RAG1: variants seen among roughly 807,000 people sequenced by gnomAD.
The protein encoded by RAG1 is recombination activating 1.
In RAG1, 35 loss-of-function variants were observed where a neutral mutation model predicts 62.7. The observed-to-expected ratio is 0.56, with a 90% confidence interval of 0.43 to 0.74. RAG1 has a LOEUF of 0.74. RAG1 is among the 30% of genes least tolerant of loss of function. The pLI is 0.00. For synonymous variants in RAG1, 461 were observed against 470.3 expected (o/e 0.98, Z 0.26); for missense variants, 1,169 against 1,278.6 (o/e 0.91, Z 1.31).
At chr11:36,520,673 T>G (rs1860066185) in intron 2 of RAG1, among the ~76,000 whole-genome samples, 1 of 152,222 alleles carries the variant, frequency 6.6e-6, no homozygotes, top group Non-Finnish European at 1.5e-5. Context: ...GGTTACAAAC[T>G]TTATCTAAGA....
chr11:36,518,870 T>C (rs979326299), intron 1 of RAG1, among the ~76,000 whole-genome samples: 1 of 152,122 alleles, frequency 6.6e-6, no homozygotes, highest in African/African-American at 2.4e-5. Context: ...GTCAATTTTG[T>C]CTTTTGTTGC....
intron 3 of RAG1, among the ~76,000 whole-genome samples, chr11:36,545,974 A>T (rs1850386183): frequency 1.3e-5 from 2 of 152,106 alleles, no homozygotes; most frequent in South Asian, 4.1e-4. Context: ...TGTGATTTCC[A>T]TTCTTTTGCA....
intron 1 of RAG1, among the ~76,000 whole-genome samples, chr11:36,513,593 A>T (rs1407713031): frequency 6.6e-6 from 1 of 152,224 alleles, no homozygotes; most frequent in Non-Finnish European, 1.5e-5. Context: ...GTAACAGTAT[A>T]TTAGTCTGTT....
chr11:36,510,439 G>A (rs1277723499), upstream of RAG1: 1 of 152,386 alleles, frequency 6.6e-6, no homozygotes, highest in Non-Finnish European at 1.5e-5. Context: ...TCCCACCTGG[G>A]AATTCGTTGC....
chr11:36,525,991 T>C (rs925298178), intron 2 of RAG1, among the ~76,000 whole-genome samples: 7 of 152,238 alleles, frequency 4.6e-5, no homozygotes, highest in African/African-American at 1.7e-4. Flanking sequence ...GAATGGTCGA[T>C]TACATTAACT....
intron 1 of RAG1, among the ~76,000 whole-genome samples, chr11:36,570,296 A>T (rs1850721791): frequency 6.6e-6 from 1 of 152,222 alleles, no homozygotes; most frequent in Non-Finnish European, 1.5e-5. Flanking sequence ...GAGATATCTT[A>T]ATTTCTCCAT....
intron 2 of RAG1, among the ~76,000 whole-genome samples, chr11:36,528,289 C>A (rs1860197170): frequency 6.6e-6 from 1 of 152,144 alleles, no homozygotes; most frequent in South Asian, 2.1e-4. Context: ...TCATAACAAA[C>A]TATCTCTCAG....
At chr11:36,537,402 T>A (rs1309222446), downstream of RAG1, among the ~76,000 whole-genome samples, 1 of 152,198 alleles carries the variant, frequency 6.6e-6, no homozygotes, top group Admixed American at 6.5e-5. Context: ...TGGGTGTATA[T>A]ACATGTCAAA....
At chr11:36,571,067 A>G (rs1590699667) in intron 1 of RAG1, among the ~76,000 whole-genome samples, 1 of 152,272 alleles carries the variant, frequency 6.6e-6, no homozygotes, top group East Asian at 1.9e-4. Context: ...TGCCTTCCAC[A>G]GGAGTATTTA....
At chr11:36,563,285 G>T (rs568304263), upstream of RAG1, 1 of 152,330 alleles carries the variant, frequency 6.6e-6, no homozygotes, top group Admixed American at 6.5e-5. Context: ...ATGTGGATGG[G>T]CATCACCTAA....
intron 3 of RAG1, among the ~76,000 whole-genome samples, chr11:36,546,608 A>T (rs1006178925): frequency 1.3e-5 from 2 of 152,070 alleles, no homozygotes; most frequent in Non-Finnish European, 2.9e-5. Flanking sequence ...TGTGAATTTG[A>T]TCCTGTCATT....
At position 36,576,892 on chromosome 11, in the gene RAG1, T is replaced by G; in HGVS notation, c.*456T>G. 1 of 182,440 alleles carries G rather than the reference T, an allele frequency of 5.5e-6. No homozygotes were observed. Among genetic ancestry groups the G allele is most frequent in the Non-Finnish European group, 1.3e-5 (1 of 76,146 alleles). 11.3% of individuals were successfully genotyped at this position (182,440 alleles called of 1,614,324 possible). A position where few individuals can be genotyped will look rare whatever the true frequency, so the allele number is the denominator to read the frequency against. On this transcript the variant is annotated 3_prime_UTR_variant, in exon 2 of 2. Coordinates refer to ENST00000299440, the MANE Select transcript of RAG1 (RefSeq NM_000448.3). ...TTCTATTTCATTTTTGAATAATTCT[T>G]CATTTTTATAATTTTACATATCTTG...
chr11:36,521,553 T>G (rs2133695494), intron 2 of RAG1, among the ~76,000 whole-genome samples: 1 of 152,264 alleles, frequency 6.6e-6, no homozygotes, highest in South Asian at 2.1e-4. Context: ...TGGGTATACC[T>G]TTATCAGCAG....
chr11:36,528,854 A>G (rs1415167402), intron 2 of RAG1, among the ~76,000 whole-genome samples: 2 of 152,232 alleles, frequency 1.3e-5, no homozygotes, highest in Non-Finnish European at 2.9e-5. Flanking sequence ...CCATCAGAGA[A>G]TACTATAACC....
At chr11:36,518,154 A>G (rs568674239) in intron 1 of RAG1, among the ~76,000 whole-genome samples, 1 of 151,962 alleles carries the variant, frequency 6.6e-6, no homozygotes, top group South Asian at 2.1e-4. Context: ...CCATTTCCCT[A>G]CAAAGGACAT....
chr11:36,573,902 G>A lies in RAG1; in HGVS notation c.598G>A (p.Val200Met), dbSNP rs1232282131. 1.2e-5 allele frequency: 20 copies of A among 1,613,976 alleles called. No individual in the cohort carries two copies. The highest frequency in any genetic ancestry group is 1.1e-4 in the African/African-American group (8 of 74,878). Residue 200 changes from valine to methionine, a missense_variant, in exon 2 of 2, where the codon GTG (valine) becomes ATG (methionine). Transcript: ENST00000299440. ...ATGTGAGGTTTACTTCCCGAGGAAC[G>A]TGACCATGGAGTGGCACCCCCACAC... ...APCEVYFPRN[V>M]TMEWHPHTPS...
intron 1 of RAG1, among the ~76,000 whole-genome samples, chr11:36,511,497 G>C (rs1289302880): frequency 6.6e-6 from 1 of 152,062 alleles, no homozygotes; most frequent in Admixed American, 6.6e-5. Context: ...CTAGGACATA[G>C]TATGGGCTCA....
rs4151033 is a variant in RAG1 at position 36,575,942 on chromosome 11, G to A, written c.2638G>A (p.Glu880Lys). ...CELIPSEERH[E>K]ALRELMDLYL... ...GTTAATTCCTTCCGAGGAGAGGCACGAGGCTCTGAGGGAGCTGATGGATCT... is the reference window on the plus strand; with the variant it reads ...GTTAATTCCTTCCGAGGAGAGGCACAAGGCTCTGAGGGAGCTGATGGATCT... Residue 880 changes from glutamate to lysine, a missense_variant, in exon 2 of 2, where the codon GAG becomes AAG. Glu to Lys is a moderately conservative substitution (Grantham distance 56). Coordinates refer to ENST00000299440, the MANE Select transcript of RAG1 (RefSeq NM_000448.3). The surrounding 1 kb of genome is among the most constrained non-coding windows in gnomAD (Gnocchi z 4.1). The A allele has an allele frequency of 2.6e-3, 4,149 of 1,614,146 alleles. 84 individuals are homozygous for A. The African/African-American group carries it at 0.047, about 18-fold the overall frequency.
rs373615697 is a variant in RAG1 at position 36,573,455 on chromosome 11, G to A, written c.151G>A (p.Asp51Asn). Residue 51 changes from aspartate (D) to asparagine (N), a missense_variant, in exon 2 of 2, where the codon GAT (aspartate) becomes AAT (asparagine). By Grantham distance (23) the Asp-to-Asn change is conservative. Around this residue, in one of 2 missense-constraint regions of RAG1, gnomAD observed 369 missense variants for 335.3 expected, o/e 1.10. Coordinates refer to ENST00000299440, the MANE Select transcript of RAG1 (RefSeq NM_000448.3). ...TGAAGAAGCTCAAAAGGAAAAGAAG[G>A]ATTCCTTTGAGGGGAAACCCTCTCT... ...TPEEAQKEKK[D>N]SFEGKPSLEQ... 1.9e-6 allele frequency: 3 copies of A among 1,614,160 alleles called. No homozygotes were observed. Among genetic ancestry groups the A allele is most frequent in the East Asian group, 4.5e-5 (2 of 44,872 alleles).
Sources: allele counts gnomAD v4.1 joint callset (sites outside exome capture counted in the v4.1 genomes callset), GRCh38; gene constraint gnomAD v4.1.1; regional missense constraint gnomAD v4.1.1; non-coding constraint Gnocchi (gnomAD v3.1); transcripts MANE v1.5; gene names NCBI Gene and HGNC (gene_info 2026-07-23, HGNC 2026-07-21).